The following GPR141 variants were observed in gnomAD, a reference collection of about 807,000 sequenced individuals.
GPR141 encodes G protein-coupled receptor 141, also known as probable G protein-coupled receptor 141.
A neutral mutation model predicts 6.8 loss-of-function variants in GPR141; 6 were observed. The observed-to-expected ratio is 0.88, with a 90% CI of 0.48 to 1.74. GPR141 has a LOEUF of 1.74. Among genes scored for constraint, GPR141 ranks in the 40% most tolerant of loss-of-function variants. The pLI, the probability that GPR141 is intolerant of heterozygous loss-of-function variation, is 0.01. For synonymous variants in GPR141, 140 were observed against 142.3 expected, an observed-to-expected ratio of 0.98 and a Z score of 0.11; for missense variants, 372 against 372.9, an observed-to-expected ratio of 1.00 and a Z score of 0.02.
At chr7:37,722,720 C>CAAAAAAA in intron 2 of GPR141, among the ~76,000 whole-genome samples, 1 of 121,222 alleles carries the variant, frequency 8.2e-6, no homozygotes, top group Non-Finnish European at 1.7e-5. Context: ...GACTCCATCT[C>CAAAAAAA]AAAAAAAAAA....
At position 37,742,839 on chromosome 7, in the gene GPR141, C is replaced by T. The variant is rs1562799029; in HGVS notation, c.*1528C>T. 6.6e-6 allele frequency among the ~76,000 whole-genome samples: 1 copy of T among 152,092 alleles called. No individual in the cohort carries two copies. The highest frequency in any genetic ancestry group is 1.5e-5 in the Non-Finnish European group (1 of 68,016). ...ATGTAACAAACCTGCACATGTACCCCTGAACTTAAAATAAAATTTAAAGTA... is the reference window on the plus strand; with the variant it reads ...ATGTAACAAACCTGCACATGTACCCTTGAACTTAAAATAAAATTTAAAGTA... On this transcript the variant is annotated 3_prime_UTR_variant, in exon 3 of 3. Coordinates refer to ENST00000334425, the MANE Select transcript of GPR141 (RefSeq NM_001381946.1).
chr7:37,691,027 T>A (rs918309769), intron 2 of GPR141, among the ~76,000 whole-genome samples: 2 of 152,208 alleles, frequency 1.3e-5, no homozygotes, highest in African/African-American at 4.8e-5. Context: ...AATTGGTGTG[T>A]TCTCTTTCTG....
At chr7:37,703,470 TC>T (rs1810385176) in intron 2 of GPR141, among the ~76,000 whole-genome samples, 1 of 152,200 alleles carries the variant, frequency 6.6e-6, no homozygotes, top group Non-Finnish European at 1.5e-5. Context: ...TTCACTTGGC[TC>T]TCTTTATCTT....
At chr7:37,705,585 TA>T (rs1457876484) in intron 2 of GPR141, among the ~76,000 whole-genome samples, 1 of 152,074 alleles carries the variant, frequency 6.6e-6, no homozygotes, top group Non-Finnish European at 1.5e-5. Context: ...GGGCAAGAAA[TA>T]AAGTGAGTTC....
chr7:37,724,895 G>C (rs1168841518), intron 2 of GPR141, among the ~76,000 whole-genome samples: 1 of 152,102 alleles, frequency 6.6e-6, no homozygotes, highest in Non-Finnish European at 1.5e-5. Flanking sequence ...CTGGGCCTCT[G>C]GAGTCTGCCT....
intron 2 of GPR141, among the ~76,000 whole-genome samples, chr7:37,708,684 A>T (rs945478101): frequency 6.6e-6 from 1 of 152,170 alleles, no homozygotes; most frequent in South Asian, 2.1e-4. Context: ...GGGTCCTTTC[A>T]TGCATAACTA....
intron 2 of GPR141, among the ~76,000 whole-genome samples, chr7:37,719,014 A>G (rs1416119826): frequency 6.6e-6 from 1 of 152,210 alleles, no homozygotes; most frequent in Non-Finnish European, 1.5e-5. Context: ...AAGAAGAATA[A>G]GCTTTCTTGC....
intron 2 of GPR141, among the ~76,000 whole-genome samples, chr7:37,717,377 A>G (rs1811097707): frequency 6.6e-6 from 1 of 152,244 alleles, no homozygotes; most frequent in Admixed American, 6.5e-5. Context: ...CCCAAAGGTT[A>G]AGAGGATTGA....
At chr7:37,715,455 A>T (rs571669633) in intron 2 of GPR141, among the ~76,000 whole-genome samples, 2 of 152,044 alleles carry the variant, frequency 1.3e-5, no homozygotes, top group African/African-American at 2.4e-5. Context: ...TTCCTCCTTT[A>T]AAAAAAACCA....
At position 37,742,051 on chromosome 7, in the gene GPR141, T is replaced by A. The variant is rs192201792; in HGVS notation, c.*740T>A. 1.5e-3 allele frequency among the ~76,000 whole-genome samples: 232 copies of A among 152,284 alleles called. 3 individuals carry two copies. Among genetic ancestry groups the A allele is most frequent in the African/African-American group, 5.4e-3 (223 of 41,570 alleles). On this transcript the variant is annotated 3_prime_UTR_variant, in exon 3 of 3. Coordinates refer to ENST00000334425, the MANE Select transcript of GPR141 (RefSeq NM_001381946.1). ...ACATATCTACATAATGGTGAAACTGTAATTTAGAGACTATCCCTGACTAAT... is the reference window on the plus strand; with the variant it reads ...ACATATCTACATAATGGTGAAACTGAAATTTAGAGACTATCCCTGACTAAT...
rs182997647 is a variant in GPR141, at chr7:37,689,764, A to G, written c.-15+4181A>G. 8.0e-5 allele frequency among the ~76,000 whole-genome samples: 12 copies of G among 149,446 alleles called. No individual in the cohort carries two copies. The East Asian group carries it at 2.4e-3, about 30-fold the overall frequency. On this transcript the variant is annotated intron_variant, in intron 2 of 2. Transcript: ENST00000334425. ...ATTGTACAGTCTCTTTTCATTTCTG[A>G]TTTTATTTATTTGGGTATTTTCTCT...
chr7:37,705,802 C>G (rs1284337472), intron 2 of GPR141, among the ~76,000 whole-genome samples: 1 of 152,108 alleles, frequency 6.6e-6, no homozygotes, highest in African/African-American at 2.4e-5. Flanking sequence ...CACTATTTTG[C>G]AAAAGCTTCC....
chr7:37,697,683 A>G (rs1232920828), intron 2 of GPR141, among the ~76,000 whole-genome samples: 6 of 152,176 alleles, frequency 3.9e-5, no homozygotes, highest in Non-Finnish European at 7.3e-5. Context: ...CAACAAGAAA[A>G]TTGACACTCA....
rs74506960 is a variant in GPR141, at chr7:37,719,807, G to C, written c.-14-20573G>C. 4.0e-4 allele frequency among the ~76,000 whole-genome samples: 61 copies of C among 152,198 alleles called. 1 individual carries two copies. In the East Asian group the frequency reaches 0.011, roughly 28 times the overall value. ...ATTTTTTTTTGAAAAACATTCCTTC[G>C]ACTCCTGTGAGATACAGCAGGGAAT... On this transcript the variant is annotated intron_variant, in intron 2 of 2. Transcript: ENST00000334425.
intron 2 of GPR141, among the ~76,000 whole-genome samples, chr7:37,716,990 T>G (rs1425701051): frequency 6.6e-6 from 1 of 152,206 alleles, no homozygotes; most frequent in Non-Finnish European, 1.5e-5. Context: ...AGGGCTCAGC[T>G]CTATGTAAGC....
At chr7:37,719,297 G>A (rs1386010320) in intron 2 of GPR141, among the ~76,000 whole-genome samples, 1 of 152,168 alleles carries the variant, frequency 6.6e-6, no homozygotes, top group African/African-American at 2.4e-5. Flanking sequence ...CCAGGGCTTT[G>A]TCAAATCATA....
Position 37,740,680 on chromosome 7 carries a change from A to T in GPR141, c.287A>T (p.His96Leu). ...TGCAAATTTGTGAGTGCCATGCTGC[A>T]CATCCACATGTACCTCACGTTCCTA... ...PFCKFVSAML[H>L]IHMYLTFLFY... Residue 96 changes from histidine (H) to leucine (L), a missense_variant, in exon 3 of 3, where the codon CAC (histidine) becomes CTC (leucine). Coordinates refer to ENST00000334425, the MANE Select transcript of GPR141 (RefSeq NM_001381946.1). 1 of 1,614,156 alleles carries T rather than the reference A, an allele frequency of 6.2e-7. No homozygotes were observed.
intron 2 of GPR141, among the ~76,000 whole-genome samples, chr7:37,709,123 A>G (rs1457448682): frequency 2.0e-5 from 3 of 152,228 alleles, no homozygotes; most frequent in Non-Finnish European, 4.4e-5. Context: ...TTAGAAAAGC[A>G]TATGAAAATA....
In GPR141 at chr7:37,742,749, G is replaced by A. The variant is rs899215247; in HGVS notation, c.*1438G>A. 1.3e-5 allele frequency among the ~76,000 whole-genome samples: 2 copies of A among 151,950 alleles called. No homozygotes were observed. The highest frequency in any genetic ancestry group is 4.8e-5 in the African/African-American group (2 of 41,368). ...AAAATATAGGAAAAATAACTAATGG[G>A]AACTAGGCTTAATACTCGGGATGAA... On this transcript the variant is annotated 3_prime_UTR_variant, in exon 3 of 3. Transcript: ENST00000334425.
Sources: allele counts gnomAD v4.1 joint callset (sites outside exome capture counted in the v4.1 genomes callset), GRCh38; gene constraint gnomAD v4.1.1; transcripts MANE v1.5; gene names NCBI Gene and HGNC (gene_info 2026-07-23, HGNC 2026-07-21).